The following NAV3 variants were observed in gnomAD, a reference collection of about 807,000 sequenced individuals.
NAV3 encodes the protein neuron navigator 3, also known as pore membrane and/or filament interacting like protein 1.
A neutral mutation model predicts 244.7 loss-of-function variants in NAV3; 87 were observed. That is an observed-to-expected ratio of 0.36 (90% CI 0.30 to 0.42). The LOEUF is 0.42. Ranked by LOEUF, NAV3 falls within the 20% of genes least tolerant of loss-of-function variation. The pLI, the probability that NAV3 is intolerant of heterozygous loss-of-function variation, is 1.00. For synonymous variants in NAV3, 1,126 were observed against 1,042.2 expected, an observed-to-expected ratio of 1.08 and a Z score of -1.55; for missense variants, 2,663 against 2,893.3, an observed-to-expected ratio of 0.92 and a Z score of 1.83.
intron 2 of NAV3, among the ~76,000 whole-genome samples, chr12:77,735,199 A>T (rs532752039): frequency 6.6e-6 from 1 of 152,240 alleles, no homozygotes; most frequent in East Asian, 1.9e-4. Context: ...TCTTGACAGG[A>T]TATTTTAAAG....
At chr12:77,966,083 T>C in intron 3 of NAV3, 146 bp from the exon 4 acceptor site, 1 of 716,386 alleles carries the variant, frequency 1.4e-6, no homozygotes, top group Admixed American at 2.8e-5. Context: ...GCCAAAATAA[T>C]TCTAGTTAAA....
intron 19 of NAV3, 107 bp downstream of exon 19, chr12:78,137,472 G>A (rs185046183): frequency 1.8e-6 from 2 of 1,117,200 alleles, no homozygotes; most frequent in Admixed American, 2.9e-5. Context: ...AAATAAACTA[G>A]TGTAATTATC....
chr12:77,912,987 C>A (rs1317716953), intron 1 of NAV3, among the ~76,000 whole-genome samples: 1 of 151,892 alleles, frequency 6.6e-6, no homozygotes, highest in Non-Finnish European at 1.5e-5. Flanking sequence ...TGTCTTTTAT[C>A]TTCAGTTATT....
intron 9 of NAV3, chr12:78,037,239 G>A (rs1423026078): frequency 1.4e-6 from 1 of 702,964 alleles, no homozygotes; most frequent in East Asian, 2.7e-5. Context: ...AGATGAAAAC[G>A]TGTCCTCCAA....
At chr12:78,200,105 C>A (rs1959485800) in intron 37 of NAV3, among the ~76,000 whole-genome samples, 1 of 152,036 alleles carries the variant, frequency 6.6e-6, no homozygotes, top group Admixed American at 6.6e-5. Context: ...AAGAAGAATT[C>A]TACACTGGGA....
intron 1 of NAV3, among the ~76,000 whole-genome samples, chr12:77,896,904 G>A (rs1884687991): frequency 6.6e-6 from 1 of 151,908 alleles, no homozygotes; most frequent in South Asian, 2.1e-4. Flanking sequence ...CATGGCCTGT[G>A]GGAGGTAGAT....
intron 2 of NAV3, among the ~76,000 whole-genome samples, chr12:77,656,379 A>T (rs544912823): frequency 0.078 from 9,145 of 116,566 alleles, 362 homozygotes; most frequent in African/African-American, 0.17. Context: ...ACATAATGGT[A>T]AAGGGATCAA....
At chr12:77,879,304 A>T (rs78963763) in intron 1 of NAV3, among the ~76,000 whole-genome samples, 20,823 of 152,162 alleles carry the variant, frequency 0.14, 1,714 homozygotes, top group Middle Eastern at 0.21. Flanking sequence ...ATGTACACAG[A>T]ATTTATATTA....
chr12:77,888,024 G>GTTTTTTTTT (rs1555223631), intron 1 of NAV3, among the ~76,000 whole-genome samples: 2 of 148,466 alleles, frequency 1.3e-5, no homozygotes, highest in East Asian at 2.0e-4. Flanking sequence ...AAGTTGTTGA[G>GTTTTTTTTT]TTTTTTTTTT....
intron 2 of NAV3, among the ~76,000 whole-genome samples, chr12:77,636,282 T>C (rs1284026504): frequency 1.3e-5 from 2 of 151,708 alleles, no homozygotes; most frequent in Non-Finnish European, 2.9e-5. Context: ...CTGGCTAACA[T>C]AGCAAAACCC....
At chr12:77,726,733 A>G (rs1252911489) in intron 2 of NAV3, among the ~76,000 whole-genome samples, 2 of 151,200 alleles carry the variant, frequency 1.3e-5, no homozygotes, top group African/African-American at 2.4e-5. Context: ...ATAGCAACAA[A>G]AAGGACTTGA....
chr12:77,808,051 T>C (rs556368421), intron 2 of NAV3, among the ~76,000 whole-genome samples: 36 of 152,326 alleles, frequency 2.4e-4, no homozygotes, highest in African/African-American at 8.7e-4. Flanking sequence ...TTCTCTCAAC[T>C]GGTTATTCTA....
intron 2 of NAV3, among the ~76,000 whole-genome samples, chr12:77,643,092 A>C (rs1461738401): frequency 1.3e-5 from 2 of 151,828 alleles, no homozygotes; most frequent in African/African-American, 4.8e-5. Flanking sequence ...AGACAAAATC[A>C]CTCTTTTTCT....
chr12:77,675,027 T>C (rs1874145587), intron 2 of NAV3, among the ~76,000 whole-genome samples: 1 of 152,134 alleles, frequency 6.6e-6, no homozygotes, highest in African/African-American at 2.4e-5. Flanking sequence ...AGGTGAGAAC[T>C]GAAAGGATAG....
In NAV3 at chr12:78,121,920, GTTAT is replaced by G; in HGVS notation, c.3750-17_3750-14del. On this transcript the variant is annotated splice_polypyrimidine_tract_variant and intron_variant, in intron 15 of 39. Transcript: ENST00000397909. ...TTAGCTTCTTGGAACAACTGAAGTT[GTTAT>G]TTGTTTTTCTTTTAGGTTGTTTGGT... 1 of 1,610,804 alleles carries G rather than the reference GTTAT, an allele frequency of 6.2e-7. No individual in the cohort carries two copies. Among genetic ancestry groups the G allele is most frequent in the Non-Finnish European group, 8.5e-7 (1 of 1,177,592 alleles).
At chr12:77,953,129 A>T (rs1433860932) in intron 3 of NAV3, among the ~76,000 whole-genome samples, 1 of 152,182 alleles carries the variant, frequency 6.6e-6, no homozygotes, top group Admixed American at 6.6e-5. Flanking sequence ...ATTTAATATC[A>T]TCTATAACTG....
chr12:77,587,171 T>C (rs1181651614), intron 2 of NAV3, among the ~76,000 whole-genome samples: 2 of 152,132 alleles, frequency 1.3e-5, no homozygotes, highest in African/African-American at 4.8e-5. Context: ...TAATAAATTA[T>C]TTGATAATAA....
intron 2 of NAV3, among the ~76,000 whole-genome samples, chr12:77,591,799 A>T (rs1005786367): frequency 6.6e-6 from 1 of 152,198 alleles, no homozygotes; most frequent in Non-Finnish European, 1.5e-5. Flanking sequence ...ATGTATGTGT[A>T]TCTATCTATA....
At chr12:77,881,905 A>G (rs1017740593) in intron 1 of NAV3, among the ~76,000 whole-genome samples, 2 of 152,148 alleles carry the variant, frequency 1.3e-5, no homozygotes, top group Non-Finnish European at 1.5e-5. Flanking sequence ...ACTACAAAAC[A>G]CTGCTGAAAG....
Sources: gnomAD v4.1 joint callset for allele counts (sites outside exome capture counted in the v4.1 genomes callset) on GRCh38, gnomAD v4.1.1 for gene constraint, MANE v1.5 for transcripts, NCBI Gene and HGNC (gene_info 2026-07-23, HGNC 2026-07-21) for gene names.